DLG2: variants seen among roughly 807,000 people sequenced by gnomAD.
DLG2 encodes disks large homolog 2.
DLG2 carries 45 observed loss-of-function variants against 132.5 expected under a neutral mutation model. That is an observed-to-expected ratio of 0.34 (90% CI 0.27 to 0.44). The LOEUF (loss-of-function observed/expected upper bound fraction) is 0.44, where lower values mean the gene tolerates loss of function less well. Among genes scored for constraint, DLG2 ranks in the 20% least tolerant of loss-of-function variants. The pLI is 1.00. For synonymous variants in DLG2, 424 were observed against 419.6 expected, an observed-to-expected ratio of 1.01 and a Z score of -0.13; for missense variants, 1,045 against 1,196.9, an observed-to-expected ratio of 0.87 and a Z score of 1.87.
At position 84,145,123 on chromosome 11, in the gene DLG2, T is replaced by C. The variant is rs11233927; in HGVS notation, c.624+18338A>G. On this transcript the variant is annotated intron_variant, in intron 9 of 27. Coordinates refer to ENST00000376104, the MANE Select transcript of DLG2 (RefSeq NM_001142699.3). ...TTTTTACAAATTATGGAAATAAATC[T>C]ACTTTGATTAGAACATTCAACTTGG... is the stretch of plus-strand genomic sequence containing the variant. 2.8e-3 allele frequency among the ~76,000 whole-genome samples: 423 copies of C among 152,344 alleles called. 11 individuals carry two copies. In the East Asian group the frequency reaches 0.07, roughly 25 times the overall value.
intron 6 of DLG2, among the ~76,000 whole-genome samples, chr11:84,798,122 T>TGAA (rs2074902001): frequency 6.6e-6 from 1 of 152,142 alleles, no homozygotes; most frequent in Non-Finnish European, 1.5e-5. Flanking sequence ...GGGTCAGATC[T>TGAA]GAAGAGAATA....
intron 4 of DLG2, among the ~76,000 whole-genome samples, chr11:85,283,494 AATT>A (rs2078366159): frequency 7.2e-6 from 1 of 137,968 alleles, no homozygotes; most frequent in African/African-American, 2.5e-5. Context: ...AAAAAAAAAC[AATT>A]ATGACAACAG....
At chr11:84,348,435 C>G (rs985867927) in intron 7 of DLG2, among the ~76,000 whole-genome samples, 1 of 152,084 alleles carries the variant, frequency 6.6e-6, no homozygotes, top group Non-Finnish European at 1.5e-5. Flanking sequence ...GAAAGATATT[C>G]CATGGGATGT....
intron 4 of DLG2, among the ~76,000 whole-genome samples, chr11:85,158,194 G>C (rs186351881): frequency 5.9e-5 from 9 of 152,274 alleles, no homozygotes; most frequent in African/African-American, 1.7e-4. Flanking sequence ...GAACAGGCAT[G>C]GGAATGGATA....
intron 10 of DLG2, among the ~76,000 whole-genome samples, chr11:84,060,110 C>G (rs183611013): frequency 6.6e-6 from 1 of 151,974 alleles, no homozygotes; most frequent in Non-Finnish European, 1.5e-5. Flanking sequence ...GTCAGGGGTT[C>G]GAGACCAGCC....
Position 84,571,228 on chromosome 11 carries a change from CTCTTT to C in DLG2, c.358-36502_358-36498del, listed in dbSNP as rs2099483041. 2.0e-5 allele frequency among the ~76,000 whole-genome samples: 3 copies of C among 152,072 alleles called. No individual in the cohort carries two copies. The East Asian group carries it at 5.8e-4, about 29-fold the overall frequency. ...CTCACTCCCCTACCTCCTTTTCTTC[CTCTTT>C]TCTTTCTCTTCTTTTTTCCCATCTC... On this transcript the variant is annotated intron_variant, in intron 6 of 27. Transcript: ENST00000376104.
intron 16 of DLG2, among the ~76,000 whole-genome samples, chr11:83,873,946 G>A (rs2064004185): frequency 6.6e-6 from 1 of 152,172 alleles, no homozygotes; most frequent in African/African-American, 2.4e-5. Context: ...ACAAGTGTGT[G>A]TTTGTATTTC....
intron 6 of DLG2, among the ~76,000 whole-genome samples, chr11:84,995,079 T>G (rs1370835284): frequency 1.3e-5 from 2 of 152,204 alleles, no homozygotes; most frequent in African/African-American, 4.8e-5. Flanking sequence ...AACCTTCACT[T>G]ATTCCAGTTT....
intron 3 of DLG2, among the ~76,000 whole-genome samples, chr11:85,298,357 T>C (rs1032084721): frequency 2.6e-5 from 4 of 152,076 alleles, no homozygotes; most frequent in Non-Finnish European, 4.4e-5. Context: ...TGAAAATAAC[T>C]TCACAGTGGG....
chr11:85,052,357 T>C (rs1459829332), intron 6 of DLG2, among the ~76,000 whole-genome samples: 2 of 152,202 alleles, frequency 1.3e-5, no homozygotes, highest in East Asian at 3.9e-4. Flanking sequence ...GAAATCAAAG[T>C]AGTCCCTTTG....
chr11:83,542,074 T>C (rs980697086), intron 19 of DLG2, among the ~76,000 whole-genome samples: 1 of 83,266 alleles, frequency 1.2e-5, no homozygotes, highest in African/African-American at 5.7e-5. Flanking sequence ...GGGTGGCCTA[T>C]AGATTCCCCC....
At chr11:83,577,911 TA>T (rs1358914098) in intron 19 of DLG2, among the ~76,000 whole-genome samples, 33 of 128,162 alleles carry the variant, frequency 2.6e-4, no homozygotes, top group African/African-American at 9.1e-4. Flanking sequence ...TATATATGTA[TA>T]ATTATATATA....
chr11:84,179,066 C>T (rs1336257862), intron 8 of DLG2, among the ~76,000 whole-genome samples: 1 of 151,734 alleles, frequency 6.6e-6, no homozygotes, highest in African/African-American at 2.4e-5. Flanking sequence ...ATCAAAGCAG[C>T]CATAAATATG....
chr11:85,247,963 C>T (rs1405950577), intron 4 of DLG2, among the ~76,000 whole-genome samples: 1 of 152,056 alleles, frequency 6.6e-6, no homozygotes, highest in Non-Finnish European at 1.5e-5. Context: ...CAACTTGCCA[C>T]CCTGAAGAAA....
chr11:84,506,079 C>CTTTTTTTTTTGTTTTTTTTTTTTTTTTTT (rs2099238946), intron 7 of DLG2, among the ~76,000 whole-genome samples: 1 of 107,024 alleles, frequency 9.3e-6, no homozygotes, highest in African/African-American at 5.1e-5. Context: ...AGGCTCAGTT[C>CTTTTTTTTTTGTTTTTTTTTTTTTTTTTT]TTTTTTTTTT....
At chr11:83,904,617 G>T (rs188087611) in intron 15 of DLG2, among the ~76,000 whole-genome samples, 6 of 152,008 alleles carry the variant, frequency 3.9e-5, no homozygotes, top group Non-Finnish European at 7.4e-5. Context: ...ATACAGCCTT[G>T]AAAGATAGAC....
intron 3 of DLG2, 110 bp from the exon 4 acceptor site, chr11:85,285,475 C>G (rs372620237): frequency 1.0e-6 from 1 of 967,812 alleles, no homozygotes. Flanking sequence ...ATTAAAAGAA[C>G]TGCATAAATA....
chr11:83,911,127 A>G (rs541153899), intron 15 of DLG2, among the ~76,000 whole-genome samples: 6 of 152,244 alleles, frequency 3.9e-5, no homozygotes, highest in Admixed American at 2.0e-4. Flanking sequence ...CTTGAGCTAG[A>G]TTTTCTTATA....
At chr11:84,716,707 CAAA>C (rs397848908) in intron 6 of DLG2, among the ~76,000 whole-genome samples, 4 of 78,444 alleles carry the variant, frequency 5.1e-5, no homozygotes, top group Admixed American at 1.3e-4. Context: ...TGGACAGGGG[CAAA>C]AAAAAAAAAA....
Sources: gnomAD v4.1 joint callset for allele counts (sites outside exome capture counted in the v4.1 genomes callset) on GRCh38, gnomAD v4.1.1 for gene constraint, MANE v1.5 for transcripts, NCBI Gene and HGNC (gene_info 2026-07-23, HGNC 2026-07-21) for gene names.